Variants in CAMK1D observed in about 807,000 individuals in gnomAD.
The protein encoded by CAMK1D is calcium/calmodulin-dependent protein kinase type 1D.
Under a neutral mutation model 47.7 loss-of-function variants are expected in CAMK1D, and 9 were observed. The ratio of observed to expected loss-of-function variants is 0.19; its 90% confidence interval spans 0.11 to 0.33. CAMK1D has a LOEUF of 0.33. CAMK1D is among the 10% of genes least tolerant of loss of function. The pLI is 1.00. For missense variants in CAMK1D, 291 were observed against 488.7 expected, an observed-to-expected ratio of 0.60 and a Z score of 3.81; for synonymous variants, 184 against 184.9, an observed-to-expected ratio of 0.99 and a Z score of 0.04.
chr10:12,436,215 G>C (rs117292405), intron 1 of CAMK1D, among the ~76,000 whole-genome samples: 1 of 152,188 alleles, frequency 6.6e-6, no homozygotes, highest in Non-Finnish European at 1.5e-5. Flanking sequence ...CCACGTACAG[G>C]CTTCACATGT....
intron 1 of CAMK1D, among the ~76,000 whole-genome samples, chr10:12,518,853 A>G (rs370102405): frequency 8.0e-6 from 1 of 124,340 alleles, no homozygotes; most frequent in African/African-American, 3.0e-5. Flanking sequence ...TTTTCTTAGT[A>G]CAGAACAAAA....
At chr10:12,696,713 GTTC>G (rs1833312915) in intron 3 of CAMK1D, among the ~76,000 whole-genome samples, 1 of 152,230 alleles carries the variant, frequency 6.6e-6, no homozygotes, top group South Asian at 2.1e-4. Context: ...AATTCTTGAT[GTTC>G]TTCTTCATTG....
intron 3 of CAMK1D, among the ~76,000 whole-genome samples, chr10:12,759,802 G>C (rs191140292): frequency 1.3e-5 from 2 of 152,284 alleles, no homozygotes; most frequent in African/African-American, 4.8e-5. Context: ...TTAAAAGAAG[G>C]TTTCAGTGGA....
At chr10:12,736,251 C>T (rs532386764) in intron 3 of CAMK1D, among the ~76,000 whole-genome samples, 5 of 152,288 alleles carry the variant, frequency 3.3e-5, no homozygotes, top group Admixed American at 2.0e-4. Flanking sequence ...TCTGTTATGG[C>T]GTGGCCCTGC....
rs756072836 is a variant in CAMK1D, at chr10:12,605,237, A to C, written c.224+51881A>C. ...GAAAATAACAGGCCTGGCTCCATGA[A>C]GGCCATGAGGCTAGGAAGGTCTGGC... On this transcript the variant is annotated intron_variant, in intron 2 of 10. Transcript: ENST00000619168. Among the ~76,000 whole-genome samples the C allele has an allele frequency of 7.2e-4, 109 of 152,076 alleles. 1 individual carries two copies. Among genetic ancestry groups the C allele is most frequent in the Admixed American group, 2.0e-3 (31 of 15,262 alleles).
intron 3 of CAMK1D, among the ~76,000 whole-genome samples, chr10:12,678,517 C>T (rs940899017): frequency 3.3e-5 from 5 of 152,192 alleles, no homozygotes; most frequent in Admixed American, 2.6e-4. Flanking sequence ...TCTCCAGTGT[C>T]ATGCAGGTCT....
intron 3 of CAMK1D, among the ~76,000 whole-genome samples, chr10:12,684,445 A>G (rs1015520311): frequency 2.6e-5 from 4 of 152,132 alleles, no homozygotes; most frequent in African/African-American, 9.7e-5. Flanking sequence ...GGCTCCAGGT[A>G]TTTTAGGTTA....
chr10:12,515,940 C>CT (rs1835197747), intron 1 of CAMK1D, among the ~76,000 whole-genome samples: 2 of 151,694 alleles, frequency 1.3e-5, no homozygotes, highest in Admixed American at 6.6e-5. Flanking sequence ...ATGTAATACT[C>CT]TTAACAGTAT....
At chr10:12,753,251 G>A (rs1191219631) in intron 3 of CAMK1D, among the ~76,000 whole-genome samples, 1 of 152,216 alleles carries the variant, frequency 6.6e-6, no homozygotes, top group African/African-American at 2.4e-5. Context: ...GGAGGTAATT[G>A]TGGAAAGGCC....
chr10:12,716,051 G>C (rs1258832054), intron 3 of CAMK1D, among the ~76,000 whole-genome samples: 1 of 152,060 alleles, frequency 6.6e-6, no homozygotes, highest in African/African-American at 2.4e-5. Context: ...TAGTTATTGA[G>C]TGCTTGCTGT....
intron 1 of CAMK1D, among the ~76,000 whole-genome samples, chr10:12,358,814 T>C (rs897164517): frequency 3.3e-5 from 5 of 152,136 alleles, no homozygotes; most frequent in African/African-American, 1.2e-4. Context: ...GGATTGAATA[T>C]ACAGTAACTG....
At chr10:12,355,777 C>T (rs925815534) in intron 1 of CAMK1D, among the ~76,000 whole-genome samples, 7 of 152,110 alleles carry the variant, frequency 4.6e-5, no homozygotes, top group Non-Finnish European at 2.9e-5. Flanking sequence ...ATCGGTTGAA[C>T]ACCTGCTATA....
chr10:12,822,850 C>T (rs1433971168), intron 8 of CAMK1D, among the ~76,000 whole-genome samples: 1 of 152,212 alleles, frequency 6.6e-6, no homozygotes, highest in African/African-American at 2.4e-5. Context: ...CATTCAAATA[C>T]TCTATTTCTG....
At chr10:12,579,818 G>A (rs1047192732) in intron 2 of CAMK1D, among the ~76,000 whole-genome samples, 5 of 152,188 alleles carry the variant, frequency 3.3e-5, no homozygotes. Context: ...CACTTCTTAA[G>A]CGAGAGGTCG....
chr10:12,769,286 A>G (rs1306154055), intron 4 of CAMK1D, among the ~76,000 whole-genome samples: 1 of 152,166 alleles, frequency 6.6e-6, no homozygotes, highest in African/African-American at 2.4e-5. Flanking sequence ...TTCAAGAAAA[A>G]TCACTCATAA....
chr10:12,561,048 G>A (rs541149194), intron 2 of CAMK1D, among the ~76,000 whole-genome samples: 5 of 152,042 alleles, frequency 3.3e-5, no homozygotes, highest in South Asian at 4.2e-4. Context: ...CGAGTAGCTG[G>A]GACTACAGGC....
chr10:12,642,952 A>G (rs548276377), intron 2 of CAMK1D, among the ~76,000 whole-genome samples: 1 of 152,268 alleles, frequency 6.6e-6, no homozygotes, highest in East Asian at 1.9e-4. Context: ...GATTATGAAA[A>G]TTAGGGGTAA....
chr10:12,632,676 G>A (rs893332428), intron 2 of CAMK1D, among the ~76,000 whole-genome samples: 2 of 152,106 alleles, frequency 1.3e-5, no homozygotes, highest in East Asian at 1.9e-4. Context: ...CTGCTCATGT[G>A]TTCAGTGTCT....
chr10:12,666,667 G>T, intron 2 of CAMK1D, 69 bp from the exon 3 acceptor site: 1 of 1,235,166 alleles, frequency 8.1e-7, no homozygotes, highest in Non-Finnish European at 1.2e-6. Flanking sequence ...TTGCTACAAT[G>T]CTGTCTGTTT....
Sources: allele counts gnomAD v4.1 joint callset (sites outside exome capture counted in the v4.1 genomes callset), GRCh38; gene constraint gnomAD v4.1.1; transcripts MANE v1.5; gene names NCBI Gene and HGNC (gene_info 2026-07-23, HGNC 2026-07-21).